IPMK: variants seen among roughly 807,000 people sequenced by gnomAD.
IPMK encodes the protein inositol 1,3,4,6-tetrakisphosphate 5-kinase.
IPMK carries 17 observed loss-of-function variants against 45.8 expected under a neutral mutation model. That is an observed-to-expected ratio of 0.37 (90% CI 0.25 to 0.56). IPMK has a LOEUF of 0.56. Among genes scored for constraint, IPMK ranks in the 20% least tolerant of loss-of-function variants. The probability of loss-of-function intolerance (pLI) is 0.79; values close to 1 mark genes in which losing one functional copy is unlikely to be tolerated. For synonymous variants in IPMK, 180 were observed against 184.3 expected (o/e 0.98, Z 0.19); for missense variants, 399 against 498.0 (o/e 0.80, Z 1.89).
chr10:58,226,981 G>T, intron 3 of IPMK, 62 bp downstream of exon 3: 1 of 1,034,610 alleles, frequency 9.7e-7, no homozygotes, highest in South Asian at 1.5e-5. Context: ...TTTTACATAA[G>T]GCCTTTAAAG....
chr10:58,244,684 T>C (rs1457329405), intron 1 of IPMK, among the ~76,000 whole-genome samples: 1 of 152,174 alleles, frequency 6.6e-6, no homozygotes, highest in African/African-American at 2.4e-5. Context: ...AGACTCCATT[T>C]TGTTCTGTAC....
intron 1 of IPMK, among the ~76,000 whole-genome samples, chr10:58,256,500 A>T (rs1205118392): frequency 6.6e-6 from 1 of 152,236 alleles, no homozygotes; most frequent in East Asian, 1.9e-4. Context: ...GGGACATGGA[A>T]CCTCATCAGT....
At chr10:58,235,669 C>CGGGGCTGG in intron 2 of IPMK, among the ~76,000 whole-genome samples, 1 of 152,098 alleles carries the variant, frequency 6.6e-6, no homozygotes, top group South Asian at 2.1e-4. Flanking sequence ...TCAGGGGCTG[C>CGGGGCTGG]GGGGCTGGGG....
At chr10:58,215,359 A>G (rs1399166846) in intron 4 of IPMK, among the ~76,000 whole-genome samples, 2 of 151,926 alleles carry the variant, frequency 1.3e-5, no homozygotes, top group Non-Finnish European at 2.9e-5. Flanking sequence ...AACTGTTTTA[A>G]CCCCAAAAGT....
chr10:58,244,369 G>A (rs562003180), intron 1 of IPMK, among the ~76,000 whole-genome samples: 3 of 150,938 alleles, frequency 2.0e-5, no homozygotes, highest in Middle Eastern at 3.5e-3. Context: ...TCTGGGAAGT[G>A]GGGGGTGCCT....
chr10:58,233,225 C>T (rs1315400466), intron 2 of IPMK, among the ~76,000 whole-genome samples: 1 of 152,060 alleles, frequency 6.6e-6, no homozygotes, highest in Non-Finnish European at 1.5e-5. Context: ...GATTCACAGC[C>T]GAATTCTACC....
chr10:58,228,769 G>A (rs564708933), intron 2 of IPMK, among the ~76,000 whole-genome samples: 2 of 152,032 alleles, frequency 1.3e-5, no homozygotes, highest in Non-Finnish European at 2.9e-5. Flanking sequence ...TCCTGACCTC[G>A]TGATCCACCC....
At chr10:58,202,002 T>G (rs1838005190) in intron 4 of IPMK, among the ~76,000 whole-genome samples, 1 of 152,196 alleles carries the variant, frequency 6.6e-6, no homozygotes, top group African/African-American at 2.4e-5. Flanking sequence ...ATGAGGAAGC[T>G]GCGAAAGAAA....
chr10:58,242,455 G>A (rs1290114770), intron 1 of IPMK, among the ~76,000 whole-genome samples: 9 of 116,938 alleles, frequency 7.7e-5, no homozygotes, highest in East Asian at 2.6e-4. Flanking sequence ...GCGAGACTCC[G>A]TCTCAAAAAA....
At chr10:58,207,747 G>T (rs1838091873) in intron 4 of IPMK, among the ~76,000 whole-genome samples, 2 of 152,110 alleles carry the variant, frequency 1.3e-5, no homozygotes, top group Admixed American at 1.3e-4. Context: ...GGATTGTGAT[G>T]ATCTTTTTGC....
At chr10:58,255,071 G>A (rs1293452296) in intron 1 of IPMK, among the ~76,000 whole-genome samples, 1 of 152,188 alleles carries the variant, frequency 6.6e-6, no homozygotes, top group Non-Finnish European at 1.5e-5. Flanking sequence ...CAAGCACCTG[G>A]GCTTTGTGGA....
intron 1 of IPMK, among the ~76,000 whole-genome samples, chr10:58,242,316 CA>C (rs948967262): frequency 1.3e-5 from 2 of 151,888 alleles, no homozygotes; most frequent in Non-Finnish European, 2.9e-5. Context: ...AAAAATTAGC[CA>C]GGCGTTGTGG....
intron 1 of IPMK, among the ~76,000 whole-genome samples, chr10:58,266,867 G>T (rs751410794): frequency 7.9e-5 from 12 of 152,100 alleles, no homozygotes; most frequent in Non-Finnish European, 1.5e-4. Flanking sequence ...AAATCAAGGA[G>T]ACACCAGAAA....
At chr10:58,240,311 G>C (rs903814152) in intron 1 of IPMK, among the ~76,000 whole-genome samples, 3 of 151,428 alleles carry the variant, frequency 2.0e-5, no homozygotes, top group East Asian at 1.9e-4. Flanking sequence ...ACAGAGCAAT[G>C]AACATTCACA....
At chr10:58,242,223 G>A (rs1447280899) in intron 1 of IPMK, among the ~76,000 whole-genome samples, 1 of 151,974 alleles carries the variant, frequency 6.6e-6, no homozygotes, top group Non-Finnish European at 1.5e-5. Context: ...TACACAACAT[G>A]GATGAAAAGA....
At chr10:58,226,805 T>C (rs954134593) in intron 3 of IPMK, among the ~76,000 whole-genome samples, 2 of 152,214 alleles carry the variant, frequency 1.3e-5, no homozygotes, top group Non-Finnish European at 2.9e-5. Context: ...ATTAAGTCTA[T>C]ATGCTTCCAT....
At chr10:58,246,756 T>C (rs879194929) in intron 1 of IPMK, among the ~76,000 whole-genome samples, 2 of 152,052 alleles carry the variant, frequency 1.3e-5, no homozygotes, top group Non-Finnish European at 2.9e-5. Flanking sequence ...AAGGACTTCA[T>C]GTCTAAAACA....
At chr10:58,199,348 A>G in intron 4 of IPMK, 27 bp from the exon 5 acceptor site, 1 of 1,504,230 alleles carries the variant, frequency 6.6e-7, no homozygotes, top group Middle Eastern at 2.2e-4. Flanking sequence ...TGAATATTAA[A>G]AAGCTAATAC....
At chr10:58,234,169 CACAA>C (rs1379493162) in intron 2 of IPMK, among the ~76,000 whole-genome samples, 1 of 152,000 alleles carries the variant, frequency 6.6e-6, no homozygotes, top group Non-Finnish European at 1.5e-5. Flanking sequence ...TAAAAGAGGA[CACAA>C]ACAAAGGGAA....
Sources: allele counts gnomAD v4.1 joint callset (sites outside exome capture counted in the v4.1 genomes callset), GRCh38; gene constraint gnomAD v4.1.1; transcripts MANE v1.5; gene names NCBI Gene and HGNC (gene_info 2026-07-23, HGNC 2026-07-21).